The following HECW1 variants were observed in gnomAD, a reference collection of about 807,000 sequenced individuals.
HECW1 encodes E3 ubiquitin-protein ligase HECW1.
HECW1 carries 61 observed loss-of-function variants against 182.3 expected under a neutral mutation model. That is an observed-to-expected ratio of 0.33 (90% CI 0.27 to 0.41). HECW1 has a LOEUF of 0.41. Ranked by LOEUF, HECW1 falls within the 10% of genes least tolerant of loss-of-function variation. The pLI is 1.00. For missense variants in HECW1, 1,739 were observed against 2,108.9 expected, an observed-to-expected ratio of 0.82 and a Z score of 3.44; for synonymous variants, 859 against 832.6, an observed-to-expected ratio of 1.03 and a Z score of -0.55.
chr7:43,296,950 A>G lies in HECW1; in HGVS notation c.28-14813A>G, dbSNP rs186021101. On this transcript the variant is annotated intron_variant, in intron 3 of 29. Coordinates refer to ENST00000395891, the MANE Select transcript of HECW1 (RefSeq NM_015052.5). The stretch of plus-strand genomic sequence containing the variant: ...CCCTTTGCAGCTTTTTGTGACAACC[A>G]CCAATTAGAGACAGTGATGGCCTCC... 3.1e-3 allele frequency among the ~76,000 whole-genome samples: 478 copies of G among 152,290 alleles called. 6 individuals are homozygous for G. The highest frequency in any genetic ancestry group is 0.015 in the South Asian group (71 of 4,812).
At chr7:43,502,753 T>C (rs17208534) in intron 21 of HECW1, among the ~76,000 whole-genome samples, 23,219 of 152,250 alleles carry the variant, frequency 0.15, 2,285 homozygotes, top group Non-Finnish European at 0.21. Context: ...GATCCAGATA[T>C]TGGAGAATTT....
intron 2 of HECW1, among the ~76,000 whole-genome samples, chr7:43,152,805 C>T (rs1789483365): frequency 6.6e-6 from 1 of 152,120 alleles, no homozygotes; most frequent in Admixed American, 6.5e-5. Context: ...AGGCGTTTCC[C>T]CCTGAGCTGG....
chr7:43,300,345 T>C (rs754384004), intron 3 of HECW1, among the ~76,000 whole-genome samples: 14 of 152,018 alleles, frequency 9.2e-5, no homozygotes, highest in Non-Finnish European at 1.8e-4. Context: ...TGAGTGACAG[T>C]TAGAGCTAGA....
At chr7:43,172,485 T>C (rs1583811637) in intron 2 of HECW1, among the ~76,000 whole-genome samples, 1 of 151,904 alleles carries the variant, frequency 6.6e-6, no homozygotes, top group East Asian at 1.9e-4. Context: ...TCAAAATCCA[T>C]GTATACATCT....
intron 3 of HECW1, among the ~76,000 whole-genome samples, chr7:43,270,610 C>G (rs1802288943): frequency 6.6e-6 from 1 of 152,134 alleles, no homozygotes; most frequent in African/African-American, 2.4e-5. Flanking sequence ...CTGTGAACAT[C>G]AGGTGGTAAG....
intron 2 of HECW1, among the ~76,000 whole-genome samples, chr7:43,213,031 G>A (rs143430459): frequency 6.1e-4 from 92 of 151,610 alleles, no homozygotes; most frequent in South Asian, 3.1e-3. Flanking sequence ...CAGTAAAAGC[G>A]TAATGAAATT....
Position 43,196,681 on chromosome 7 carries a change from A to G in HECW1, c.-31-47194A>G, listed in dbSNP as rs557264838. ...GGGCCGGGCTCCAGAGAGAGGCTCTAGGAGTGTGTTTTGATAGTTTTTTCC... is the reference window on the plus strand; with the variant it reads ...GGGCCGGGCTCCAGAGAGAGGCTCTGGGAGTGTGTTTTGATAGTTTTTTCC... On this transcript the variant is annotated intron_variant, in intron 2 of 29. Coordinates refer to ENST00000395891, the MANE Select transcript of HECW1 (RefSeq NM_015052.5). Among the ~76,000 whole-genome samples, 181 of 152,334 alleles carry G rather than the reference A, an allele frequency of 1.2e-3. 1 individual carries two copies. The highest frequency in any genetic ancestry group is 4.1e-3 in the African/African-American group (171 of 41,578).
chr7:43,271,862 AT>A (rs1802442216), intron 3 of HECW1, among the ~76,000 whole-genome samples: 1 of 152,178 alleles, frequency 6.6e-6, no homozygotes, highest in Non-Finnish European at 1.5e-5. Context: ...TAAAATTCAT[AT>A]GGAACCAAAA....
chr7:43,372,229 G>C (rs192395035), intron 6 of HECW1, among the ~76,000 whole-genome samples: 8 of 152,284 alleles, frequency 5.3e-5, no homozygotes, highest in African/African-American at 1.7e-4. Context: ...TCCAGGAAAG[G>C]ATAACAAGAA....
intron 2 of HECW1, among the ~76,000 whole-genome samples, chr7:43,210,324 T>G (rs924531891): frequency 6.6e-6 from 1 of 152,034 alleles, no homozygotes; most frequent in Non-Finnish European, 1.5e-5. Context: ...TAGGAAAACT[T>G]GCAGAGTATG....
chr7:43,403,212 AC>A (rs2075486101), intron 7 of HECW1, among the ~76,000 whole-genome samples: 2 of 152,352 alleles, frequency 1.3e-5, no homozygotes. Context: ...TCTCATGTAT[AC>A]ATAGGAGATA....
At chr7:43,517,109 C>G (rs546718063) in intron 24 of HECW1, among the ~76,000 whole-genome samples, 2 of 152,272 alleles carry the variant, frequency 1.3e-5, no homozygotes, top group African/African-American at 4.8e-5. Flanking sequence ...ATGAGTCACT[C>G]TTTACATAAT....
At chr7:43,554,877 G>C (rs145439469) in intron 29 of HECW1, 87 bp downstream of exon 29, 1 of 1,227,152 alleles carries the variant, frequency 8.1e-7, no homozygotes, top group East Asian at 2.5e-5. Context: ...CCATCCTTTG[G>C]GATGGAATTC....
chr7:43,200,207 CT>C (rs2152689126), intron 2 of HECW1, among the ~76,000 whole-genome samples: 1 of 152,272 alleles, frequency 6.6e-6, no homozygotes, highest in East Asian at 1.9e-4. Context: ...CAAAAAAAGG[CT>C]TTCCTGAATG....
chr7:43,237,140 A>AGTAGGAAGGTAGGTAGGTAGGTAG (rs1449363522), intron 2 of HECW1, among the ~76,000 whole-genome samples: 1 of 133,854 alleles, frequency 7.5e-6, no homozygotes, highest in Non-Finnish European at 1.6e-5. Flanking sequence ...GAAGGAAGGA[A>AGTAGGAAGGTAGGTAGGTAGGTAG]GTAGGTAGGT....
At chr7:43,175,459 T>C (rs915486433) in intron 2 of HECW1, among the ~76,000 whole-genome samples, 1 of 152,230 alleles carries the variant, frequency 6.6e-6, no homozygotes, top group Admixed American at 6.5e-5. Flanking sequence ...AGAATTTTGC[T>C]GTGAACATTG....
In HECW1 at chr7:43,407,120, G is replaced by T. The variant is rs191668415; in HGVS notation, c.632-442G>T. 2.0e-5 allele frequency among the ~76,000 whole-genome samples: 3 copies of T among 152,174 alleles called. No individual in the cohort carries two copies. In the East Asian group the frequency reaches 5.8e-4, roughly 30 times the overall value. On this transcript the variant is annotated intron_variant, in intron 7 of 29. Coordinates refer to ENST00000395891, the MANE Select transcript of HECW1 (RefSeq NM_015052.5). ...TTTCAAAGCCCTGCCCTCCCTGGCA[G>T]CAGGGTTTCTCAGAACTCTCCTCAT...
chr7:43,370,120 A>G (rs2152818955), intron 6 of HECW1, among the ~76,000 whole-genome samples: 1 of 152,376 alleles, frequency 6.6e-6, no homozygotes, highest in South Asian at 2.1e-4. Flanking sequence ...ATCAAGGGCT[A>G]GTATTCACAA....
At chr7:43,134,393 C>CAA (rs35414360) in intron 2 of HECW1, among the ~76,000 whole-genome samples, 37,908 of 87,846 alleles carry the variant, frequency 0.43, 8,447 homozygotes, top group Non-Finnish European at 0.47. Context: ...GACTCTGTCT[C>CAA]AAAAAAAAAA....
Sources: gnomAD v4.1 joint callset for allele counts (sites outside exome capture counted in the v4.1 genomes callset) on GRCh38, gnomAD v4.1.1 for gene constraint, MANE v1.5 for transcripts, NCBI Gene and HGNC (gene_info 2026-07-23, HGNC 2026-07-21) for gene names.